PLCE1: variants seen among roughly 807,000 people sequenced by gnomAD.
PLCE1 encodes the protein phospholipase C epsilon 1, also known as 1-phosphatidylinositol 4,5-bisphosphate phosphodiesterase epsilon-1.
A neutral mutation model predicts 242.8 loss-of-function variants in PLCE1; 119 were observed. That is an observed-to-expected ratio of 0.49 (90% CI 0.42 to 0.57). The LOEUF is 0.57. PLCE1 is among the 20% of genes least tolerant of loss of function. The pLI is 0.00. For synonymous variants in PLCE1, 945 were observed against 1,017.4 expected (o/e 0.93, Z 1.35); for missense variants, 2,441 against 2,788.8 (o/e 0.88, Z 2.81).
At chr10:94,197,420 G>A (rs1302579285) in intron 4 of PLCE1, among the ~76,000 whole-genome samples, 1 of 152,158 alleles carries the variant, frequency 6.6e-6, no homozygotes. Context: ...GCTCCAAAGT[G>A]TCTGCACCAT....
intron 2 of PLCE1, among the ~76,000 whole-genome samples, chr10:94,049,763 T>C (rs1162574961): frequency 6.6e-6 from 1 of 152,188 alleles, no homozygotes; most frequent in Non-Finnish European, 1.5e-5. Flanking sequence ...GCCTTTGTTG[T>C]ATCTCCTTTC....
intron 4 of PLCE1, among the ~76,000 whole-genome samples, chr10:94,197,183 T>C (rs1564779309): frequency 6.6e-6 from 1 of 152,238 alleles, no homozygotes; most frequent in African/African-American, 2.4e-5. Flanking sequence ...ATTTCTTTTA[T>C]GGCTGAATAA....
intron 5 of PLCE1, among the ~76,000 whole-genome samples, chr10:94,232,497 A>C (rs184471952): frequency 6.6e-6 from 1 of 152,264 alleles, no homozygotes; most frequent in East Asian, 1.9e-4. Flanking sequence ...ACAGAGTCTT[A>C]CTTGATGGGG....
intron 4 of PLCE1, among the ~76,000 whole-genome samples, chr10:94,187,783 C>CG (rs1306890309): frequency 6.6e-6 from 1 of 152,200 alleles, no homozygotes; most frequent in African/African-American, 2.4e-5. Context: ...ATAAGCCTCA[C>CG]GCGAACACAA....
intron 3 of PLCE1, among the ~76,000 whole-genome samples, chr10:94,146,859 C>G (rs1249932786): frequency 6.6e-6 from 1 of 152,164 alleles, no homozygotes; most frequent in Non-Finnish European, 1.5e-5. Context: ...TATATTTTCC[C>G]TGCTAATGGT....
rs2051191822 is a variant in PLCE1 at position 94,258,784 on chromosome 10, C to T, written c.3555-16C>T. 2 of 1,613,856 alleles carry T rather than the reference C, an allele frequency of 1.2e-6. No homozygotes were observed. The highest frequency in any genetic ancestry group is 1.3e-5 in the African/African-American group (1 of 74,892). On this transcript the variant is annotated splice_polypyrimidine_tract_variant and intron_variant, in intron 11 of 32. Transcript: ENST00000371380. ...GGCCTGCCCTTGTGCCCATGAAGGC[C>T]TTGTCTTTGTTGCAGTGCTTGGAGC...
intron 25 of PLCE1, among the ~76,000 whole-genome samples, chr10:94,305,352 T>C (rs2053165252): frequency 6.6e-6 from 1 of 152,242 alleles, no homozygotes; most frequent in Non-Finnish European, 1.5e-5. Context: ...GGAGAATTAC[T>C]TGAGTCCAGA....
chr10:94,260,899 C>G lies in PLCE1; in HGVS notation c.3815-1595C>G, dbSNP rs151062300. Among the ~76,000 whole-genome samples the G allele has an allele frequency of 8.9e-4, 136 of 152,230 alleles. 1 individual carries two copies. The highest frequency in any genetic ancestry group is 3.0e-3 in the African/African-American group (123 of 41,544). On this transcript the variant is annotated intron_variant, in intron 13 of 32. Transcript: ENST00000371380. ...GGAAAGTACAGAGTTCCAATATACT[C>G]TCTTCTACTCTCCCACACAGACTTT...
chr10:94,115,482 C>T (rs1312613495), intron 2 of PLCE1, among the ~76,000 whole-genome samples: 1 of 152,184 alleles, frequency 6.6e-6, no homozygotes, highest in Admixed American at 6.5e-5. Flanking sequence ...GATTGTATCT[C>T]ATTGTGGTTT....
intron 1 of PLCE1, among the ~76,000 whole-genome samples, chr10:94,018,155 T>C (rs2061313867): frequency 6.6e-6 from 1 of 152,234 alleles, no homozygotes; most frequent in Admixed American, 6.5e-5. Flanking sequence ...TAAAATTGCT[T>C]ATAATACGAG....
chr10:94,031,862 G>T lies in PLCE1; in HGVS notation c.816G>T (p.Lys272Asn). ...KYFCFEGSCE[K>N]VDMVYSGDSF... ...TTTGCTTTGAAGGCTCTTGTGAGAA[G>T]GTTGACATGGTATATTCAGGTGATA... The change falls in exon 2 of 33, where the codon AAG (lysine) becomes AAT (asparagine). Residue 272 changes from lysine (K) to asparagine (N), a missense_variant. Coordinates refer to ENST00000371380, the MANE Select transcript of PLCE1 (RefSeq NM_016341.4). 6.2e-7 allele frequency: 1 copy of T among 1,613,892 alleles called. No individual in the cohort carries two copies. The highest frequency in any genetic ancestry group is 1.1e-5 in the South Asian group (1 of 91,066).
chr10:94,000,096 C>T (rs1024854452), intron 1 of PLCE1, among the ~76,000 whole-genome samples: 7 of 152,142 alleles, frequency 4.6e-5, no homozygotes, highest in African/African-American at 1.2e-4. Context: ...TCGTTTACTT[C>T]GGCTTTTACC....
chr10:94,300,187 T>C (rs996904789), intron 24 of PLCE1, among the ~76,000 whole-genome samples: 1 of 152,198 alleles, frequency 6.6e-6, no homozygotes, highest in Non-Finnish European at 1.5e-5. Flanking sequence ...GTGCCCTTTC[T>C]CTGGAAGTGC....
chr10:93,997,100 G>A (rs548903613), intron 1 of PLCE1, among the ~76,000 whole-genome samples: 13 of 152,042 alleles, frequency 8.6e-5, no homozygotes, highest in Non-Finnish European at 1.3e-4. Flanking sequence ...ATCAATTAAC[G>A]CATTTAATTT....
chr10:94,045,578 C>G (rs2061865503), intron 2 of PLCE1, among the ~76,000 whole-genome samples: 1 of 152,212 alleles, frequency 6.6e-6, no homozygotes, highest in Admixed American at 6.5e-5. Context: ...TATAGACTCT[C>G]TCTCCTCATC....
At chr10:94,315,769 CA>C (rs10572287) in intron 28 of PLCE1, among the ~76,000 whole-genome samples, 19,901 of 121,698 alleles carry the variant, frequency 0.16, 1,188 homozygotes, top group South Asian at 0.28. Context: ...GACTCTGTCT[CA>C]AAAAAAAAAA....
intron 3 of PLCE1, chr10:94,138,005 G>A: frequency 2.6e-6 from 1 of 379,052 alleles, no homozygotes; most frequent in South Asian, 2.5e-5. Flanking sequence ...CAGCCAGCAG[G>A]CACAGAGATT....
Position 94,132,332 on chromosome 10 carries a change from C to A in PLCE1, c.1365C>A (p.Ala455=). The A allele has an allele frequency of 1.2e-6, 2 of 1,614,058 alleles. No homozygotes were observed. The highest frequency in any genetic ancestry group is 1.7e-6 in the Non-Finnish European group (2 of 1,180,006). The change falls in exon 3 of 33, where the codon GCC becomes GCA. Residue 455 remains alanine, a synonymous_variant. Coordinates refer to ENST00000371380, the MANE Select transcript of PLCE1 (RefSeq NM_016341.4). The part of the protein sequence containing the change: ...CVRDTVCEYR[A]TLQRTSISQY... The stretch of plus-strand genomic sequence containing the variant: ...GAGACACTGTATGTGAGTATCGCGC[C>A]ACCCTCCAAAGGACTTCAATATCGC...
chr10:94,306,772 T>C lies in PLCE1; in HGVS notation c.5884+84T>C. On this transcript the variant is annotated intron_variant, in intron 26 of 32. Coordinates refer to ENST00000371380, the MANE Select transcript of PLCE1 (RefSeq NM_016341.4). The surrounding 1 kb of genome is among the most constrained non-coding windows in gnomAD (Gnocchi z 5.7). The stretch of plus-strand genomic sequence containing the variant: ...TTTCCTTATACTCTTCTCTCTTTTC[T>C]GTTTGACATTTTCCTATAAAGAAGT... The C allele has an allele frequency of 9.2e-7, 1 of 1,083,390 alleles. No homozygotes were observed. The highest frequency in any genetic ancestry group is 1.4e-6 in the Non-Finnish European group (1 of 730,012). 67.1% of individuals were successfully genotyped at this position (1,083,390 alleles called of 1,614,324 possible). A position where few individuals can be genotyped will look rare whatever the true frequency, so the allele number is the denominator to read the frequency against.
Sources: allele counts gnomAD v4.1 joint callset (sites outside exome capture counted in the v4.1 genomes callset), GRCh38; gene constraint gnomAD v4.1.1; non-coding constraint Gnocchi (gnomAD v3.1); transcripts MANE v1.5; gene names NCBI Gene and HGNC (gene_info 2026-07-23, HGNC 2026-07-21).